MX1: variants seen among roughly 807,000 people sequenced by gnomAD.
MX1 encodes the protein interferon-induced GTP-binding protein Mx1.
Under a neutral mutation model 66.4 loss-of-function variants are expected in MX1, and 66 were observed. The ratio of observed to expected loss-of-function variants is 0.99; its 90% CI spans 0.82 to 1.22. The LOEUF (loss-of-function observed/expected upper bound fraction) is 1.22, where lower values mean the gene tolerates loss of function less well. Among genes scored for constraint, MX1 ranks in the 50% most tolerant of loss-of-function variants. MX1 has a pLI of 0.00. For missense variants in MX1, 787 were observed against 834.3 expected, an observed-to-expected ratio of 0.94 and a Z score of 0.70; for synonymous variants, 311 against 318.1, an observed-to-expected ratio of 0.98 and a Z score of 0.24.
rs925846293 is a variant in MX1, at chr21:41,441,130, C to T, written c.730+105C>T. 33 of 1,140,036 alleles carry T rather than the reference C, an allele frequency of 2.9e-5. No individual in the cohort carries two copies. In the Middle Eastern group the frequency reaches 1.4e-3, roughly 50 times the overall value. The allele number at this position is 1,140,036 out of a possible 1,614,324, so 70.6% of individuals were successfully genotyped here. On this transcript the variant is annotated intron_variant, in intron 9 of 16. Transcript: ENST00000398598. The surrounding 1 kb of genome is among the most constrained non-coding windows in gnomAD (Gnocchi z 4.0). The stretch of plus-strand genomic sequence containing the variant: ...TGTGCTCGGTGAGAATGGGGGAGCC[C>T]GCCTGTGCTCGGTGAGAATGGGGGA...
Position 41,446,025 on chromosome 21 carries a change from T to A in MX1, c.1157T>A (p.Ile386Asn). Residue 386 changes from isoleucine to asparagine, a missense_variant, in exon 13 of 17, where the codon ATC (isoleucine) becomes AAC (asparagine). Ile to Asn is a moderately radical substitution (Grantham distance 149). Coordinates refer to ENST00000398598, the MANE Select transcript of MX1 (RefSeq NM_002462.5). ...AAAGTTAATGCCTTTAATCAGGACA[T>A]CACTGCTCTCATGCAAGGAGAGGAA... Reference protein sequence around the residue: ...IDKVNAFNQDITALMQGEETV... With the variant: ...IDKVNAFNQDNTALMQGEETV... 6.2e-7 allele frequency: 1 copy of A among 1,614,096 alleles called. No homozygotes were observed.
At chr21:41,444,318 C>CTTTTTTTTTTTTTTTTTTTT (rs11317486) in intron 11 of MX1, among the ~76,000 whole-genome samples, 10 of 71,526 alleles carry the variant, frequency 1.4e-4, no homozygotes, top group African/African-American at 3.1e-4. Context: ...TCTTTTCTTT[C>CTTTTTTTTTTTTTTTTTTTT]TTTTTTTTTT....
intron 6 of MX1, among the ~76,000 whole-genome samples, chr21:41,436,599 C>G (rs889799951): frequency 1.3e-5 from 2 of 152,164 alleles, no homozygotes; most frequent in African/African-American, 4.8e-5. Flanking sequence ...AAGGAGTTTA[C>G]AGTAGGAGGA....
rs756254834 is a variant in MX1, at chr21:41,451,206, A to T, written c.1472A>T (p.Asn491Ile). 1.3e-5 allele frequency: 21 copies of T among 1,613,366 alleles called. No individual in the cohort carries two copies. The African/African-American group carries it at 2.8e-4, about 22-fold the overall frequency. ...RLAFTDVSIK[N>I]FEEFFNLHRT... ...GCTTTCACAGATGTTTCGATAAAAAATTTTGAAGAGTTTTTTAACCTCCAC... is the reference window on the plus strand; with the variant it reads ...GCTTTCACAGATGTTTCGATAAAAATTTTTGAAGAGTTTTTTAACCTCCAC... The change falls in exon 15 of 17, where the codon AAT (asparagine) becomes ATT (isoleucine). Residue 491 changes from asparagine (N) to isoleucine (I), a missense_variant. Physicochemically the swap from Asn to Ile is moderately radical, Grantham distance 149 (BLOSUM62 -3). Transcript: ENST00000398598.
At position 41,441,332 on chromosome 21, in the gene MX1, T is replaced by C. The variant is rs376301414; in HGVS notation, c.730+307T>C. ...ACTGGCTAGGTTGCCTTGTAAGCCT[T>C]ATCTACTTGCTCAGAAAGGCACAGT... On this transcript the variant is annotated intron_variant, in intron 9 of 16. Coordinates refer to ENST00000398598, the MANE Select transcript of MX1 (RefSeq NM_002462.5). This position sits in a 1 kb window ranked among gnomAD's most constrained non-coding sequence, Gnocchi z 4.0. 2 of 432,682 alleles carry C rather than the reference T, an allele frequency of 4.6e-6. No individual in the cohort carries two copies. The highest frequency in any genetic ancestry group is 2.8e-5 in the South Asian group (1 of 35,158). The allele number at this position is 432,682 out of a possible 1,614,324, so 26.8% of individuals were successfully genotyped here.
chr21:41,438,861 A>G (rs1337811937), intron 7 of MX1, among the ~76,000 whole-genome samples: 2 of 152,052 alleles, frequency 1.3e-5, no homozygotes, highest in African/African-American at 4.8e-5. Flanking sequence ...TTCTTCTCCC[A>G]TTTCTTCATT....
intron 14 of MX1, among the ~76,000 whole-genome samples, chr21:41,450,493 C>T (rs1185820620): frequency 2.0e-5 from 3 of 152,114 alleles, no homozygotes; most frequent in Non-Finnish European, 4.4e-5. Context: ...GTAAAATTGA[C>T]CTTTTAGCCC....
chr21:41,455,231 C>T (rs562824679), intron 16 of MX1, among the ~76,000 whole-genome samples: 25 of 152,258 alleles, frequency 1.6e-4, no homozygotes, highest in African/African-American at 5.5e-4. Flanking sequence ...AACGGGCTCT[C>T]AGGGGTCACC....
intron 11 of MX1, among the ~76,000 whole-genome samples, chr21:41,444,076 C>A (rs1256535454): frequency 6.6e-6 from 1 of 152,026 alleles, no homozygotes; most frequent in East Asian, 1.9e-4. Flanking sequence ...TTCAGGGGAC[C>A]ACAGTCAGGG....
chr21:41,442,037 G>T, intron 10 of MX1, 123 bp downstream of exon 10: 1 of 831,250 alleles, frequency 1.2e-6, no homozygotes, highest in South Asian at 2.1e-5. Context: ...GTGTGTGTGT[G>T]TGCGCGTGTG....
chr21:41,457,644 C>A (rs2090990039), intron 16 of MX1, among the ~76,000 whole-genome samples: 1 of 152,184 alleles, frequency 6.6e-6, no homozygotes, highest in Non-Finnish European at 1.5e-5. Flanking sequence ...CCATCTAGTG[C>A]AGCCAGCACC....
intron 13 of MX1, among the ~76,000 whole-genome samples, chr21:41,447,077 G>A (rs1158882700): frequency 6.6e-6 from 1 of 152,136 alleles, no homozygotes; most frequent in African/African-American, 2.4e-5. Flanking sequence ...CCACAGACTT[G>A]GGGGGGCTTA....
In MX1 at chr21:41,452,742, A is replaced by T; in HGVS notation, c.1631A>T (p.Lys544Met). The part of the protein sequence containing the change: ...QDQVYRGALQ[K>M]VREKELEEEK... ...CAGGTATACAGGGGTGCATTGCAGA[A>T]GGTCAGAGAGAAGGAGCTGGAAGAA... Residue 544 changes from lysine to methionine, a missense_variant, in exon 16 of 17, where the codon AAG (lysine) becomes ATG (methionine). Lys to Met is a moderately conservative substitution (Grantham distance 95). Coordinates refer to ENST00000398598, the MANE Select transcript of MX1 (RefSeq NM_002462.5). 6.2e-7 allele frequency: 1 copy of T among 1,614,210 alleles called. No homozygotes were observed. The highest frequency in any genetic ancestry group is 8.5e-7 in the Non-Finnish European group (1 of 1,180,028).
intron 4 of MX1, among the ~76,000 whole-genome samples, chr21:41,431,537 G>A (rs1016406276): frequency 9.9e-5 from 15 of 151,536 alleles, no homozygotes; most frequent in African/African-American, 1.9e-4. Context: ...GTGCAGTGGC[G>A]TGATCTCAGC....
At chr21:41,436,054 T>C in intron 6 of MX1, 25 bp downstream of exon 6, 1 of 1,608,992 alleles carries the variant, frequency 6.2e-7, no homozygotes, top group Non-Finnish European at 8.5e-7. Flanking sequence ...TCTGTGTTAG[T>C]CTGCTCAGGC....
chr21:41,436,148 T>A, intron 6 of MX1, 119 bp downstream of exon 6: 1 of 1,216,254 alleles, frequency 8.2e-7, no homozygotes, highest in Non-Finnish European at 1.1e-6. Context: ...AAGTCCAAAA[T>A]CAGGGTTTAG....
rs1360640499 is a variant in MX1 at position 41,451,157 on chromosome 21, C to T, written c.1433-10C>T. 6.3e-7 allele frequency: 1 copy of T among 1,591,510 alleles called. No homozygotes were observed. The highest frequency in any genetic ancestry group is 8.6e-7 in the Non-Finnish European group (1 of 1,163,214). On this transcript the variant is annotated splice_polypyrimidine_tract_variant and intron_variant, in intron 14 of 16. Transcript: ENST00000398598. ...TACCAATATTGAACTATTTTTCTCT[C>T]TTTGATTAGATATGGTCCGGCTTGC...
chr21:41,440,992 C>G lies in MX1; in HGVS notation c.697C>G (p.Gln233Glu). 4 of 1,614,170 alleles carry G rather than the reference C, an allele frequency of 2.5e-6. No homozygotes were observed. Among genetic ancestry groups the G allele is most frequent in the Non-Finnish European group, 3.4e-6 (4 of 1,180,026 alleles). Reference protein sequence around the residue: ...IATTEALSMAQEVDPEGDRTI... With the variant: ...IATTEALSMAEEVDPEGDRTI... The stretch of plus-strand genomic sequence containing the variant: ...CACCACAGAGGCTCTCAGCATGGCC[C>G]AGGAGGTGGACCCCGAGGGAGACAG... Residue 233 changes from glutamine (Q) to glutamate (E), a missense_variant, in exon 9 of 17, where the codon CAG (glutamine) becomes GAG (glutamate). Physicochemically the swap from Gln to Glu is conservative, Grantham distance 29. Coordinates refer to ENST00000398598, the MANE Select transcript of MX1 (RefSeq NM_002462.5).
chr21:41,435,735 GA>G, intron 5 of MX1, 101 bp from the exon 6 acceptor site: 1 of 1,297,414 alleles, frequency 7.7e-7, no homozygotes. Flanking sequence ...GGATTATGGG[GA>G]TTACAATTCG....
Sources: gnomAD v4.1 joint callset for allele counts (sites outside exome capture counted in the v4.1 genomes callset) on GRCh38, gnomAD v4.1.1 for gene constraint, Gnocchi (gnomAD v3.1) non-coding constraint, MANE v1.5 for transcripts, NCBI Gene and HGNC (gene_info 2026-07-23, HGNC 2026-07-21) for gene names.